The following XIRP2 variants were observed in gnomAD, a reference collection of about 807,000 sequenced individuals.
XIRP2 encodes the protein xin actin-binding repeat-containing protein 2.
Under a neutral mutation model 277.0 loss-of-function variants are expected in XIRP2, and 236 were observed. The observed-to-expected ratio is 0.85, with a 90% CI of 0.77 to 0.95. The LOEUF (loss-of-function observed/expected upper bound fraction) is 0.95, where lower values mean the gene tolerates loss of function less well. XIRP2 is among the 40% of genes least tolerant of loss of function. XIRP2 has a pLI of 0.00. For synonymous variants in XIRP2, 1,490 were observed against 1,416.5 expected (o/e 1.05, Z -1.17); for missense variants, 4,640 against 4,157.5 (o/e 1.12, Z -3.19).
At position 167,251,921 on chromosome 2, in the gene XIRP2, T is replaced by C; in HGVS notation, c.10529T>C (p.Phe3510Ser). 3 of 1,565,506 alleles carry C rather than the reference T, an allele frequency of 1.9e-6. No homozygotes were observed. Among genetic ancestry groups the C allele is most frequent in the Non-Finnish European group, 2.6e-6 (3 of 1,162,064 alleles). The change falls in exon 9 of 11, where the codon TTC becomes TCC. Residue 3510 changes from phenylalanine to serine, a missense_variant. Phe to Ser is a radical substitution (Grantham distance 155, BLOSUM62 -2). Transcript: ENST00000409195. Reference sequence around the variant, plus strand: ...TCTGCAACTGAGATGAGAACCACCTTCCAAGAGGAATCTGCATTTATAAGT... The same window carrying C: ...TCTGCAACTGAGATGAGAACCACCTCCCAAGAGGAATCTGCATTTATAAGT... ...DASATEMRTT[F>S]QEESAFISEA...
At chr2:167,193,540 C>T (rs965999496) in intron 3 of XIRP2, among the ~76,000 whole-genome samples, 2 of 152,030 alleles carry the variant, frequency 1.3e-5, no homozygotes, top group Non-Finnish European at 2.9e-5. Flanking sequence ...AACCAATAAC[C>T]ACAATATCAC....
At chr2:167,005,137 C>A (rs1687474464) in intron 2 of XIRP2, among the ~76,000 whole-genome samples, 1 of 151,814 alleles carries the variant, frequency 6.6e-6, no homozygotes, top group Non-Finnish European at 1.5e-5. Context: ...TTGCAAATAA[C>A]AAGTTAAAAC....
chr2:166,987,044 A>G (rs905626622), intron 2 of XIRP2, among the ~76,000 whole-genome samples: 1 of 152,194 alleles, frequency 6.6e-6, no homozygotes, highest in East Asian at 1.9e-4. Context: ...GGGAATCTAA[A>G]TGGAGGGTAG....
At chr2:167,007,574 G>C (rs1265668464) in intron 2 of XIRP2, among the ~76,000 whole-genome samples, 2 of 151,412 alleles carry the variant, frequency 1.3e-5, no homozygotes, top group Non-Finnish European at 3.0e-5. Flanking sequence ...TTGATAGTTA[G>C]GTAAGTTGTA....
At chr2:167,042,768 G>T (rs1188622826) in intron 2 of XIRP2, among the ~76,000 whole-genome samples, 13 of 152,038 alleles carry the variant, frequency 8.6e-5, no homozygotes, top group Admixed American at 8.5e-4. Context: ...TTGGATATTT[G>T]AAGACCCCCA....
At chr2:167,147,889 A>G (rs1227804253) in intron 3 of XIRP2, among the ~76,000 whole-genome samples, 2 of 152,214 alleles carry the variant, frequency 1.3e-5, no homozygotes, top group Non-Finnish European at 2.9e-5. Context: ...TAATAATAAC[A>G]TAATGCAGAA....
Position 167,243,586 on chromosome 2 carries a change from A to C in XIRP2, c.2194A>C (p.Ser732Arg), listed in dbSNP as rs1300609470. 1 of 1,613,966 alleles carries C rather than the reference A, an allele frequency of 6.2e-7. No individual in the cohort carries two copies. The highest frequency in any genetic ancestry group is 8.5e-7 in the Non-Finnish European group (1 of 1,180,008). ...LKEIKGNVKR[S>R]IKCFETQPLY... ...AGAAATTAAGGGAAATGTTAAAAGAAGTATAAAATGTTTCGAAACTCAACC... is the reference window on the plus strand; with the variant it reads ...AGAAATTAAGGGAAATGTTAAAAGACGTATAAAATGTTTCGAAACTCAACC... The change falls in exon 9 of 11, where the codon AGT (serine) becomes CGT (arginine). Residue 732 changes from serine (S) to arginine (R), a missense_variant. Ser to Arg is a moderately radical substitution (Grantham distance 110). Coordinates refer to ENST00000409195, the MANE Select transcript of XIRP2 (RefSeq NM_152381.6).
intron 2 of XIRP2, among the ~76,000 whole-genome samples, chr2:166,915,181 G>T (rs190575171): frequency 6.6e-6 from 1 of 150,424 alleles, no homozygotes; most frequent in Non-Finnish European, 1.5e-5. Flanking sequence ...GGCGCCTGTG[G>T]TCCCAGCTAC....
chr2:167,178,446 G>A (rs1159550247), intron 3 of XIRP2, among the ~76,000 whole-genome samples: 2 of 151,988 alleles, frequency 1.3e-5, no homozygotes, highest in East Asian at 3.9e-4. Flanking sequence ...TACTTAGTTG[G>A]GTTTCCAAAG....
intron 3 of XIRP2, among the ~76,000 whole-genome samples, chr2:167,167,648 A>G (rs1054066912): frequency 2.6e-5 from 4 of 152,046 alleles, no homozygotes; most frequent in African/African-American, 4.8e-5. Context: ...CCTCCCTCCT[A>G]TCCCTTGTAT....
chr2:166,961,630 G>A (rs570034234), intron 2 of XIRP2, among the ~76,000 whole-genome samples: 1 of 151,642 alleles, frequency 6.6e-6, no homozygotes, highest in Non-Finnish European at 1.5e-5. Context: ...GAATAGATAT[G>A]AGAAATTTAC....
chr2:167,016,632 C>G (rs1253025826), intron 2 of XIRP2, among the ~76,000 whole-genome samples: 1 of 151,882 alleles, frequency 6.6e-6, no homozygotes, highest in Non-Finnish European at 1.5e-5. Context: ...CTCTGGGAAG[C>G]AGCTGCTAAG....
At chr2:166,984,740 T>C (rs1322267760) in intron 2 of XIRP2, among the ~76,000 whole-genome samples, 1 of 152,138 alleles carries the variant, frequency 6.6e-6, no homozygotes, top group Non-Finnish European at 1.5e-5. Context: ...ATATCAAAAA[T>C]GAATGCAAAG....
At chr2:167,093,288 A>T (rs532585655) in intron 2 of XIRP2, among the ~76,000 whole-genome samples, 49 of 151,732 alleles carry the variant, frequency 3.2e-4, no homozygotes, top group Middle Eastern at 3.5e-3. Context: ...ATATATATAT[A>T]TTTTTACAGA....
chr2:167,134,411 T>C (rs967176856), intron 2 of XIRP2, among the ~76,000 whole-genome samples: 17 of 152,012 alleles, frequency 1.1e-4, no homozygotes, highest in Non-Finnish European at 1.8e-4. Flanking sequence ...AGCTTTTCTT[T>C]TCTAACCATA....
At chr2:167,195,793 T>A (rs1407374705) in intron 3 of XIRP2, among the ~76,000 whole-genome samples, 1 of 152,042 alleles carries the variant, frequency 6.6e-6, no homozygotes, top group Non-Finnish European at 1.5e-5. Context: ...TGGATGAGGG[T>A]ATGCATTTCA....
chr2:167,240,605 A>G (rs1296733895), intron 6 of XIRP2, 59 bp from the exon 7 acceptor site: 1 of 1,391,556 alleles, frequency 7.2e-7, no homozygotes, highest in Non-Finnish European at 1.0e-6. Flanking sequence ...TATTATTTGT[A>G]GTACTAAAAT....
chr2:167,098,834 T>C (rs1296991172), intron 2 of XIRP2, among the ~76,000 whole-genome samples: 1 of 152,156 alleles, frequency 6.6e-6, no homozygotes, highest in Non-Finnish European at 1.5e-5. Flanking sequence ...TTGCTGTGGG[T>C]CCACTCCAGA....
At chr2:167,065,918 C>A (rs1689291548) in intron 2 of XIRP2, among the ~76,000 whole-genome samples, 1 of 151,898 alleles carries the variant, frequency 6.6e-6, no homozygotes, top group Non-Finnish European at 1.5e-5. Context: ...TGCATAGTTT[C>A]TTTTAAAAAA....
Sources: gnomAD v4.1 joint callset for allele counts (sites outside exome capture counted in the v4.1 genomes callset) on GRCh38, gnomAD v4.1.1 for gene constraint, MANE v1.5 for transcripts, NCBI Gene and HGNC (gene_info 2026-07-23, HGNC 2026-07-21) for gene names.